LMX1A: variants seen among roughly 807,000 people sequenced by gnomAD.
LMX1A encodes the protein LIM homeobox transcription factor 1 alpha, also known as LIM homeobox transcription factor 1-alpha.
LMX1A carries 15 observed loss-of-function variants against 49.1 expected under a neutral mutation model. The ratio of observed to expected loss-of-function variants is 0.31; its 90% confidence interval spans 0.20 to 0.47. The LOEUF is 0.47. Among genes scored for constraint, LMX1A ranks in the 20% least tolerant of loss-of-function variants. The pLI is 1.00. For synonymous variants in LMX1A, 167 were observed against 185.7 expected (o/e 0.90, Z 0.82); for missense variants, 372 against 475.8 (o/e 0.78, Z 2.03).
At chr1:165,325,246 G>A (rs1655533574) in intron 3 of LMX1A, among the ~76,000 whole-genome samples, 1 of 152,194 alleles carries the variant, frequency 6.6e-6, no homozygotes, top group South Asian at 2.1e-4. Flanking sequence ...TAATCAGTTT[G>A]TTCCCCTTAC....
At chr1:165,297,902 T>G (rs188045389) in intron 3 of LMX1A, among the ~76,000 whole-genome samples, 10 of 152,148 alleles carry the variant, frequency 6.6e-5, no homozygotes, top group African/African-American at 2.4e-4. Flanking sequence ...AAAATAAAAA[T>G]AACAAAACCC....
At chr1:165,288,414 C>G (rs1286428303) in intron 3 of LMX1A, among the ~76,000 whole-genome samples, 1 of 152,170 alleles carries the variant, frequency 6.6e-6, no homozygotes, top group Non-Finnish European at 1.5e-5. Flanking sequence ...AACCACTTAG[C>G]TCTTATTTCT....
chr1:165,210,261 C>T (rs1408923511), intron 6 of LMX1A, among the ~76,000 whole-genome samples: 2 of 152,152 alleles, frequency 1.3e-5, no homozygotes, highest in African/African-American at 4.8e-5. Context: ...TGGCTTGGGC[C>T]TATATTAGTG....
intron 3 of LMX1A, among the ~76,000 whole-genome samples, chr1:165,343,988 G>A (rs1457114370): frequency 6.6e-6 from 1 of 152,186 alleles, no homozygotes; most frequent in Non-Finnish European, 1.5e-5. Flanking sequence ...AGCTAGCTAA[G>A]AGCCAACTCT....
chr1:165,256,333 A>G (rs981252284), intron 3 of LMX1A, among the ~76,000 whole-genome samples: 4 of 152,106 alleles, frequency 2.6e-5, no homozygotes, highest in Non-Finnish European at 5.9e-5. Flanking sequence ...CTTTCCCTGA[A>G]TCTTGGTTAT....
At chr1:165,226,739 T>C (rs1652049814) in intron 4 of LMX1A, among the ~76,000 whole-genome samples, 1 of 152,212 alleles carries the variant, frequency 6.6e-6, no homozygotes, top group Admixed American at 6.5e-5. Flanking sequence ...ATCTGAGAAG[T>C]TGTACATAGA....
At chr1:165,319,942 G>A (rs149276087) in intron 3 of LMX1A, among the ~76,000 whole-genome samples, 4 of 152,052 alleles carry the variant, frequency 2.6e-5, no homozygotes, top group Non-Finnish European at 5.9e-5. Flanking sequence ...CAATCACATG[G>A]ACCACCAGCT....
At position 165,203,511 on chromosome 1, in the gene LMX1A, T is replaced by G. The variant is rs987055492; in HGVS notation, c.*369A>C. On this transcript the variant is annotated 3_prime_UTR_variant, in exon 9 of 9. Transcript: ENST00000342310. ...TCTATCTATCTGTCCTTCTGTCTAT[T>G]GGTGTGTAGATGGATAGACATATGC... 5.9e-6 allele frequency: 1 copy of G among 170,826 alleles called. No homozygotes were observed. The highest frequency in any genetic ancestry group is 1.3e-5 in the Non-Finnish European group (1 of 78,646). The allele number at this position is 170,826 out of a possible 1,614,324, so 10.6% of individuals were successfully genotyped here. A position where few individuals can be genotyped will look rare whatever the true frequency, so the allele number is the denominator to read the frequency against.
At chr1:165,299,093 T>C (rs969020556) in intron 3 of LMX1A, among the ~76,000 whole-genome samples, 2 of 152,236 alleles carry the variant, frequency 1.3e-5, no homozygotes, top group Non-Finnish European at 2.9e-5. Context: ...ACCCATGACT[T>C]TAACAAAACC....
intron 3 of LMX1A, among the ~76,000 whole-genome samples, chr1:165,349,276 T>C (rs1001421421): frequency 5.9e-5 from 9 of 152,364 alleles, no homozygotes; most frequent in African/African-American, 1.9e-4. Flanking sequence ...CAGTATTTGT[T>C]TGGAACAAAT....
At chr1:165,301,624 T>C (rs1654776168) in intron 3 of LMX1A, among the ~76,000 whole-genome samples, 2 of 152,160 alleles carry the variant, frequency 1.3e-5, no homozygotes, top group South Asian at 4.1e-4. Flanking sequence ...AAGGTGAGAA[T>C]GCGCTGCTAA....
intron 4 of LMX1A, among the ~76,000 whole-genome samples, chr1:165,219,740 A>T (rs1651770110): frequency 6.6e-6 from 1 of 152,206 alleles, no homozygotes; most frequent in African/African-American, 2.4e-5. Flanking sequence ...TTTGACTTGG[A>T]GTTCTTTCAT....
At chr1:165,235,033 A>G (rs1014770633) in intron 4 of LMX1A, among the ~76,000 whole-genome samples, 1 of 152,212 alleles carries the variant, frequency 6.6e-6, no homozygotes, top group Non-Finnish European at 1.5e-5. Flanking sequence ...AAGAGCTCCT[A>G]AAGAATGCCA....
At chr1:165,284,838 C>T (rs1004686960) in intron 3 of LMX1A, among the ~76,000 whole-genome samples, 1 of 152,184 alleles carries the variant, frequency 6.6e-6, no homozygotes, top group Non-Finnish European at 1.5e-5. Context: ...CCAGGAAGAG[C>T]ACATGGAGAG....
rs557581750 is a variant in LMX1A, at chr1:165,339,595, C to T, written c.263+13481G>A. ...CATTCCCAGGCCCATGACCCAGGAA[C>T]GCATTGGCAAAGCAGCTCTGTGAGA... On this transcript the variant is annotated intron_variant, in intron 3 of 8. Transcript: ENST00000342310. Among the ~76,000 whole-genome samples, 7 of 152,302 alleles carry T rather than the reference C, an allele frequency of 4.6e-5. No individual in the cohort carries two copies. The East Asian group carries it at 5.8e-4, about 13-fold the overall frequency.
At chr1:165,247,054 C>CTTTTTTTTGTTTTTTTT (rs1652876362) in intron 4 of LMX1A, among the ~76,000 whole-genome samples, 1 of 53,228 alleles carries the variant, frequency 1.9e-5, no homozygotes, top group African/African-American at 7.2e-5. Context: ...TCAGCTTTTT[C>CTTTTTTTTGTTTTTTTT]TTTTTTTTTT....
At chr1:165,350,052 T>C (rs951817632) in intron 3 of LMX1A, among the ~76,000 whole-genome samples, 3 of 152,064 alleles carry the variant, frequency 2.0e-5, no homozygotes, top group South Asian at 2.1e-4. Context: ...AGGCACTGCC[T>C]GCATATTCAT....
At chr1:165,315,904 G>C (rs1209664426) in intron 3 of LMX1A, among the ~76,000 whole-genome samples, 1 of 152,204 alleles carries the variant, frequency 6.6e-6, no homozygotes, top group African/African-American at 2.4e-5. Context: ...TTAAATCAGG[G>C]GTTCTGAAAA....
chr1:165,242,033 GA>G lies in LMX1A; in HGVS notation c.496+7374del, dbSNP rs1259592818. On this transcript the variant is annotated intron_variant, in intron 4 of 8. Coordinates refer to ENST00000342310, the MANE Select transcript of LMX1A (RefSeq NM_177398.4). Reference sequence around the variant, plus strand: ...GAGGAATCTTCTTTCTGGCTTCGGTGAGAAGAAAAGTTACACTGGAAGTTGA... The same window carrying G: ...GAGGAATCTTCTTTCTGGCTTCGGTGGAAGAAAAGTTACACTGGAAGTTGA... 2.0e-5 allele frequency among the ~76,000 whole-genome samples: 3 copies of G among 152,334 alleles called. 1 individual carries two copies. In the South Asian group the frequency reaches 6.2e-4, roughly 32 times the overall value.
Sources: allele counts gnomAD v4.1 joint callset (sites outside exome capture counted in the v4.1 genomes callset), GRCh38; gene constraint gnomAD v4.1.1; transcripts MANE v1.5; gene names NCBI Gene and HGNC (gene_info 2026-07-23, HGNC 2026-07-21).